ATAD5: variants seen among roughly 807,000 people sequenced by gnomAD.
ATAD5 encodes ATPase family AAA domain-containing protein 5.
A neutral mutation model predicts 176.9 loss-of-function variants in ATAD5; 58 were observed. The observed-to-expected ratio is 0.33, with a 90% CI of 0.27 to 0.41. The LOEUF is 0.41. Ranked by LOEUF, ATAD5 falls within the 10% of genes least tolerant of loss-of-function variation. ATAD5 has a pLI of 1.00. For missense variants in ATAD5, 1,789 were observed against 2,094.1 expected (o/e 0.85, Z 2.84); for synonymous variants, 640 against 712.6 (o/e 0.90, Z 1.62).
intron 11 of ATAD5, among the ~76,000 whole-genome samples, chr17:30,866,104 C>T (rs1253317442): frequency 6.6e-6 from 1 of 151,226 alleles, no homozygotes; most frequent in African/African-American, 2.4e-5. Context: ...ATTCTCACAT[C>T]CAAAAAATTC....
intron 18 of ATAD5, among the ~76,000 whole-genome samples, chr17:30,886,203 C>G (rs1037117845): frequency 6.7e-6 from 1 of 148,428 alleles, no homozygotes; most frequent in Non-Finnish European, 1.5e-5. Context: ...TCTTTGTTAG[C>G]TTTAAGTATT....
chr17:30,884,152 T>C (rs903484990), intron 18 of ATAD5, among the ~76,000 whole-genome samples: 1 of 151,794 alleles, frequency 6.6e-6, no homozygotes, highest in African/African-American at 2.4e-5. Flanking sequence ...CTGATTTGGC[T>C]TGTTGTGACC....
intron 15 of ATAD5, 152 bp downstream of exon 15, chr17:30,876,702 CTTTTTTT>C (rs202065630): frequency 5.0e-4 from 64 of 127,770 alleles, no homozygotes; most frequent in African/African-American, 7.4e-4. Context: ...ATTTTGTTTC[CTTTTTTT>C]TTTTTTTTTT....
Position 30,835,404 on chromosome 17 carries a change from T to C in ATAD5, c.1323T>C (p.Asp441=), listed in dbSNP as rs1324008859. 1 of 1,611,248 alleles carries C rather than the reference T, an allele frequency of 6.2e-7. No individual in the cohort carries two copies. Among genetic ancestry groups the C allele is most frequent in the Non-Finnish European group, 8.5e-7 (1 of 1,179,344 alleles). The stretch of plus-strand genomic sequence containing the variant: ...GTCTATATGAAGTAGGAAGAGATGA[T>C]AATTCTAAAAAAATCATGGAAAATT... ...EKCLYEVGRD[D]NSKKIMENSG... is the part of the protein sequence containing the mutation. The change falls in exon 2 of 23, where the codon GAT becomes GAC. Residue 441 remains aspartate, a synonymous_variant. Coordinates refer to ENST00000321990, the MANE Select transcript of ATAD5 (RefSeq NM_024857.5).
At position 30,879,357 on chromosome 17, in the gene ATAD5, G is replaced by T. The variant is rs539224861; in HGVS notation, c.4013-66G>T. ...ATATTTTCATAGAAAAGTATAACTT[G>T]AAAAAGTTATTTATTGGTCTTAGTG... On this transcript the variant is annotated intron_variant, in intron 17 of 22. Coordinates refer to ENST00000321990, the MANE Select transcript of ATAD5 (RefSeq NM_024857.5). 174 of 1,550,174 alleles carry T rather than the reference G, an allele frequency of 1.1e-4. 1 individual carries two copies. In the East Asian group the frequency reaches 3.7e-3, roughly 33 times the overall value.
Position 30,835,202 on chromosome 17 carries a change from A to T in ATAD5, c.1121A>T (p.Gln374Leu). 6.2e-7 allele frequency: 1 copy of T among 1,614,000 alleles called. No homozygotes were observed. The change falls in exon 2 of 23, where the codon CAG (glutamine) becomes CTG (leucine). Residue 374 changes from glutamine (Q) to leucine (L), a missense_variant. By Grantham distance (113) the Gln-to-Leu change is moderately radical (BLOSUM62 -2). Coordinates refer to ENST00000321990, the MANE Select transcript of ATAD5 (RefSeq NM_024857.5). ...AAAAGAAAATCTAATGTTGTTATAC[A>T]GGAGGAAGAATTAGAATTGGCTGTT... ...VQKRKSNVVI[Q>L]EEELELAVLE...
At chr17:30,873,033 A>G (rs1908431945) in intron 14 of ATAD5, among the ~76,000 whole-genome samples, 1 of 149,514 alleles carries the variant, frequency 6.7e-6, no homozygotes, top group Non-Finnish European at 1.5e-5. Context: ...GAAAAGTGTT[A>G]TTTCATATAT....
At position 30,835,384 on chromosome 17, in the gene ATAD5, T is replaced by C. The variant is rs771428142; in HGVS notation, c.1303T>C (p.Tyr435His). The stretch of plus-strand genomic sequence containing the variant: ...GAAAGACCTTAATGAAAAATGTCTA[T>C]ATGAAGTAGGAAGAGATGATAATTC... ...KQKDLNEKCL[Y>H]EVGRDDNSKK... Residue 435 changes from tyrosine (Y) to histidine (H), a missense_variant, in exon 2 of 23, where the codon TAT becomes CAT. Physicochemically the swap from Tyr to His is moderately conservative, Grantham distance 83. This residue lies in a region of ATAD5 where 696 missense variants were observed against 712.5 expected (regional missense o/e 0.98). Coordinates refer to ENST00000321990, the MANE Select transcript of ATAD5 (RefSeq NM_024857.5). 22 of 1,610,986 alleles carry C rather than the reference T, an allele frequency of 1.4e-5. No individual in the cohort carries two copies. In the Middle Eastern group the frequency reaches 4.9e-4, roughly 36 times the overall value.
chr17:30,878,744 T>TTTTTTTC (rs1908835070), intron 17 of ATAD5, among the ~76,000 whole-genome samples: 1 of 133,712 alleles, frequency 7.5e-6, no homozygotes, highest in African/African-American at 2.8e-5. Flanking sequence ...TTTTTTTTTT[T>TTTTTTTC]TTTTGGAGAC....
intron 7 of ATAD5, 148 bp downstream of exon 7, chr17:30,855,475 A>G (rs1907239912): frequency 4.6e-6 from 4 of 875,506 alleles, no homozygotes; most frequent in Non-Finnish European, 6.7e-6. Context: ...TTCTCTCACT[A>G]TCCATGGGGT....
intron 6 of ATAD5, among the ~76,000 whole-genome samples, chr17:30,854,369 A>ATTTTTTTTT (rs11445925): frequency 8.3e-6 from 1 of 121,008 alleles, no homozygotes; most frequent in Admixed American, 1.0e-4. Context: ...ATTAATTTAA[A>ATTTTTTTTT]TTTTTTTTTT....
intron 3 of ATAD5, among the ~76,000 whole-genome samples, chr17:30,838,364 G>A (rs1450467899): frequency 1.3e-5 from 2 of 152,186 alleles, no homozygotes; most frequent in Admixed American, 6.5e-5. Flanking sequence ...TTATTTAACA[G>A]CTGTCATTTT....
intron 4 of ATAD5, among the ~76,000 whole-genome samples, chr17:30,843,521 G>A (rs1038752692): frequency 6.6e-6 from 1 of 151,730 alleles, no homozygotes; most frequent in Admixed American, 6.6e-5. Flanking sequence ...GTGGTGGCGC[G>A]CACCTCCAAT....
At chr17:30,859,011 C>T (rs1213006440) in intron 9 of ATAD5, among the ~76,000 whole-genome samples, 2 of 152,126 alleles carry the variant, frequency 1.3e-5, no homozygotes, top group Non-Finnish European at 2.9e-5. Flanking sequence ...GCTGGGATTA[C>T]AGGCATGAGT....
intron 18 of ATAD5, among the ~76,000 whole-genome samples, chr17:30,884,834 G>A (rs1371315207): frequency 2.0e-5 from 3 of 146,742 alleles, no homozygotes; most frequent in Non-Finnish European, 3.0e-5. Context: ...TGCAAGCTCC[G>A]CCTCCTGGGT....
intron 3 of ATAD5, 39 bp downstream of exon 3, chr17:30,837,353 G>T (rs775781590): frequency 3.0e-6 from 4 of 1,339,868 alleles, no homozygotes; most frequent in Non-Finnish European, 4.1e-6. Context: ...GTGCCATTCT[G>T]TTTCCTTAAA....
chr17:30,885,663 C>T (rs1229898542), intron 18 of ATAD5, among the ~76,000 whole-genome samples: 9 of 98,184 alleles, frequency 9.2e-5, no homozygotes, highest in Admixed American at 1.6e-4. Flanking sequence ...AGATGGAGTT[C>T]GCTCTTGTCG....
chr17:30,852,911 CAG>C (rs1907057989), intron 6 of ATAD5, among the ~76,000 whole-genome samples: 1 of 148,096 alleles, frequency 6.8e-6, no homozygotes, highest in Non-Finnish European at 1.5e-5. Context: ...TTTTTTGAGA[CAG>C]AATCTCCCTC....
chr17:30,854,152 A>C (rs1421619130), intron 6 of ATAD5, among the ~76,000 whole-genome samples: 1 of 148,570 alleles, frequency 6.7e-6, no homozygotes, highest in African/African-American at 2.4e-5. Context: ...GTATTAAATA[A>C]ATTTTAAAAA....
Sources: gnomAD v4.1 joint callset for allele counts (sites outside exome capture counted in the v4.1 genomes callset) on GRCh38, gnomAD v4.1.1 for gene constraint, gnomAD v4.1.1 regional missense constraint, MANE v1.5 for transcripts, NCBI Gene and HGNC (gene_info 2026-07-23, HGNC 2026-07-21) for gene names.